ERC1: variants seen among roughly 807,000 people sequenced by gnomAD.
ERC1 encodes RAB6 interacting protein 2.
Under a neutral mutation model 132.0 loss-of-function variants are expected in ERC1, and 56 were observed. The ratio of observed to expected loss-of-function variants is 0.42; its 90% CI spans 0.34 to 0.53. The LOEUF is 0.53. ERC1 is among the 20% of genes least tolerant of loss of function. ERC1 has a pLI of 0.03. For missense variants in ERC1, 1,202 were observed against 1,349.9 expected (o/e 0.89, Z 1.72); for synonymous variants, 478 against 476.1 (o/e 1.00, Z -0.05).
intron 8 of ERC1, among the ~76,000 whole-genome samples, chr12:1,178,695 A>G (rs1954020069): frequency 6.6e-6 from 1 of 152,232 alleles, no homozygotes; most frequent in African/African-American, 2.4e-5. Context: ...TAGAAAAATC[A>G]GGTAGTTCTA....
intron 3 of ERC1, among the ~76,000 whole-genome samples, chr12:1,094,720 T>C (rs1943786565): frequency 6.6e-6 from 1 of 152,302 alleles, no homozygotes; most frequent in South Asian, 2.1e-4. Context: ...CTTCCTCTCC[T>C]TTTTAAATTA....
chr12:1,115,725 A>G (rs1477021965), intron 6 of ERC1, 141 bp from the exon 7 acceptor site: 1 of 678,740 alleles, frequency 1.5e-6, no homozygotes, highest in East Asian at 2.9e-5. Context: ...AGGTTATGTC[A>G]TGCAAAAAGA....
intron 12 of ERC1, among the ~76,000 whole-genome samples, chr12:1,201,281 T>G (rs902402137): frequency 6.6e-6 from 1 of 152,236 alleles, no homozygotes; most frequent in Non-Finnish European, 1.5e-5. Flanking sequence ...CTTTTTTTCT[T>G]TCTCAGTAAT....
intron 7 of ERC1, among the ~76,000 whole-genome samples, chr12:1,116,564 T>C (rs1946469311): frequency 6.7e-6 from 1 of 148,430 alleles, no homozygotes; most frequent in Admixed American, 6.8e-5. Context: ...TTAGTGTTTT[T>C]AGAATTTTTT....
At chr12:1,017,872 G>T (rs1000064727) in intron 1 of ERC1, among the ~76,000 whole-genome samples, 2 of 152,082 alleles carry the variant, frequency 1.3e-5, no homozygotes, top group African/African-American at 4.8e-5. Flanking sequence ...TCTTTAGCTT[G>T]GTAGGTCTCT....
At chr12:1,036,119 A>G (rs1236900915) in intron 2 of ERC1, among the ~76,000 whole-genome samples, 3 of 152,108 alleles carry the variant, frequency 2.0e-5, no homozygotes, top group African/African-American at 7.2e-5. Context: ...ATATTATAGG[A>G]CGGCAGGTGA....
At chr12:1,274,791 G>A (rs998070348) in intron 14 of ERC1, among the ~76,000 whole-genome samples, 1 of 152,028 alleles carries the variant, frequency 6.6e-6, no homozygotes, top group African/African-American at 2.4e-5. Flanking sequence ...GTGCCTAGCT[G>A]GAGGGCATCT....
intron 1 of ERC1, among the ~76,000 whole-genome samples, chr12:1,011,913 C>T (rs1001297657): frequency 6.6e-6 from 1 of 151,748 alleles, no homozygotes; most frequent in African/African-American, 2.4e-5. Context: ...CCCCACTGCA[C>T]TCCAGCATGG....
intron 17 of ERC1, among the ~76,000 whole-genome samples, chr12:1,435,657 AT>A (rs2092927436): frequency 6.6e-6 from 1 of 152,156 alleles, no homozygotes; most frequent in Non-Finnish European, 1.5e-5. Flanking sequence ...GCTGAGGGCC[AT>A]TTTGCTCAGA....
chr12:1,398,084 A>G (rs988409843), intron 16 of ERC1, among the ~76,000 whole-genome samples: 2 of 152,082 alleles, frequency 1.3e-5, no homozygotes, highest in East Asian at 1.9e-4. Context: ...CCCAGGCTCA[A>G]TCGATCCTCC....
chr12:1,238,736 GTC>G (rs1340357203), intron 13 of ERC1, among the ~76,000 whole-genome samples: 1 of 152,012 alleles, frequency 6.6e-6, no homozygotes, highest in Non-Finnish European at 1.5e-5. Context: ...TCTATTAGCA[GTC>G]TCTCTCTATA....
chr12:1,006,796 A>G (rs1299173019), intron 1 of ERC1, among the ~76,000 whole-genome samples: 4 of 152,090 alleles, frequency 2.6e-5, no homozygotes, highest in Non-Finnish European at 4.4e-5. Context: ...GCCCTAGGAA[A>G]CAATTCTTGT....
At chr12:1,107,626 C>T (rs1285002982) in intron 4 of ERC1, among the ~76,000 whole-genome samples, 6 of 152,072 alleles carry the variant, frequency 3.9e-5, no homozygotes, top group Admixed American at 3.3e-4. Context: ...CATTGCAATC[C>T]TCGGATTATG....
At chr12:1,105,087 C>T (rs1159596376) in intron 4 of ERC1, among the ~76,000 whole-genome samples, 1 of 152,120 alleles carries the variant, frequency 6.6e-6, no homozygotes, top group Admixed American at 6.5e-5. Context: ...GGTCTCAGGA[C>T]CCCTTTATTC....
intron 14 of ERC1, among the ~76,000 whole-genome samples, chr12:1,268,374 A>G (rs769226092): frequency 8.5e-5 from 13 of 152,230 alleles, no homozygotes; most frequent in Non-Finnish European, 1.3e-4. Context: ...GTGCTTTTCC[A>G]AATGCCACAT....
rs200910418 is a variant in ERC1 at position 1,122,521 on chromosome 12, C to A, written c.1569+6488C>A. Among the ~76,000 whole-genome samples, 4 of 9,518 alleles carry A rather than the reference C, an allele frequency of 4.2e-4. 1 individual carries two copies. Among genetic ancestry groups the A allele is most frequent in the African/African-American group, 6.8e-4 (4 of 5,856 alleles). 6.2% of individuals were successfully genotyped at this position (9,518 alleles called of 152,430 possible). ...TCTATCTCTATCTCTATCTGTGTCT[C>A]TATCTCTATCTCTATCTCTATCTGT... On this transcript the variant is annotated intron_variant, in intron 7 of 18. Coordinates refer to ENST00000360905, the MANE Select transcript of ERC1 (RefSeq NM_178040.4).
At chr12:1,403,492 A>G (rs2091242301) in intron 16 of ERC1, among the ~76,000 whole-genome samples, 2 of 152,222 alleles carry the variant, frequency 1.3e-5, no homozygotes, top group African/African-American at 4.8e-5. Context: ...GCTCAACATC[A>G]TAACTATGCA....
At chr12:1,004,401 C>CTTTTTTTTTTTT (rs71055118) in intron 1 of ERC1, among the ~76,000 whole-genome samples, 2 of 95,024 alleles carry the variant, frequency 2.1e-5, no homozygotes, top group African/African-American at 4.1e-5. Flanking sequence ...TTTTCTTTCT[C>CTTTTTTTTTTTT]TTTTTTTTTT....
At chr12:1,316,279 A>G (rs2081711874) in intron 15 of ERC1, among the ~76,000 whole-genome samples, 1 of 152,146 alleles carries the variant, frequency 6.6e-6, no homozygotes, top group Non-Finnish European at 1.5e-5. Flanking sequence ...ACCACCTTCC[A>G]CTTAATTCAT....
Sources: gnomAD v4.1 joint callset for allele counts (sites outside exome capture counted in the v4.1 genomes callset) on GRCh38, gnomAD v4.1.1 for gene constraint, MANE v1.5 for transcripts, NCBI Gene and HGNC (gene_info 2026-07-23, HGNC 2026-07-21) for gene names.